SLC12A1: variants seen among roughly 807,000 people sequenced by gnomAD.
The protein encoded by SLC12A1 is Na-K-2Cl cotransporter.
Under a neutral mutation model 130.4 loss-of-function variants are expected in SLC12A1, and 89 were observed. The ratio of observed to expected loss-of-function variants is 0.68; its 90% CI spans 0.58 to 0.81. SLC12A1 has a LOEUF of 0.81. Among genes scored for constraint, SLC12A1 ranks in the 40% least tolerant of loss-of-function variants. SLC12A1 has a pLI of 0.00. For missense variants in SLC12A1, 1,310 were observed against 1,336.4 expected (o/e 0.98, Z 0.31); for synonymous variants, 499 against 460.0 (o/e 1.08, Z -1.09).
chr15:48,249,795 G>A, intron 14 of SLC12A1, 119 bp downstream of exon 14: 1 of 727,758 alleles, frequency 1.4e-6, no homozygotes, highest in East Asian at 2.6e-5. Flanking sequence ...TATCCTAGTG[G>A]GAAGCGTAAT....
intron 17 of SLC12A1, among the ~76,000 whole-genome samples, chr15:48,261,228 G>A (rs766496879): frequency 1.3e-5 from 2 of 152,172 alleles, no homozygotes; most frequent in Non-Finnish European, 2.9e-5. Flanking sequence ...TAGGACTGAA[G>A]AAATAAACTG....
intron 2 of SLC12A1, among the ~76,000 whole-genome samples, chr15:48,214,174 C>T (rs2041090528): frequency 6.6e-6 from 1 of 152,146 alleles, no homozygotes; most frequent in Non-Finnish European, 1.5e-5. Context: ...GAGTGAACCT[C>T]TGCAACTAAG....
intron 13 of SLC12A1, 46 bp downstream of exon 13, chr15:48,247,506 T>A: frequency 2.1e-6 from 3 of 1,433,950 alleles, no homozygotes; most frequent in Non-Finnish European, 2.9e-6. Context: ...AGAATTCTTC[T>A]GATTATTCAT....
intron 2 of SLC12A1, among the ~76,000 whole-genome samples, chr15:48,213,869 A>T (rs1406708402): frequency 6.6e-6 from 1 of 152,200 alleles, no homozygotes; most frequent in African/African-American, 2.4e-5. Context: ...GGATACGAAT[A>T]AAGGAAATGT....
chr15:48,231,880 G>A (rs546370875), intron 7 of SLC12A1, among the ~76,000 whole-genome samples: 24 of 152,146 alleles, frequency 1.6e-4, no homozygotes, highest in Non-Finnish European at 2.6e-4. Context: ...CCAGGGTGGC[G>A]TATGCCTGTA....
chr15:48,249,549 C>T, intron 13 of SLC12A1, 26 bp from the exon 14 acceptor site: 2 of 1,557,350 alleles, frequency 1.3e-6, no homozygotes, highest in Non-Finnish European at 1.8e-6. Flanking sequence ...CTCATACGTA[C>T]ATGTTCAATT....
At chr15:48,290,281 G>A (rs1597458046) in intron 23 of SLC12A1, among the ~76,000 whole-genome samples, 1 of 152,076 alleles carries the variant, frequency 6.6e-6, no homozygotes, top group African/African-American at 2.4e-5. Flanking sequence ...GCAATAACAG[G>A]CATGGAGCTG....
chr15:48,207,259 C>T (rs2040993229), intron 1 of SLC12A1, among the ~76,000 whole-genome samples: 1 of 152,138 alleles, frequency 6.6e-6, no homozygotes, highest in South Asian at 2.1e-4. Flanking sequence ...TCTAAAGTCA[C>T]AGTGAACTCC....
chr15:48,270,404 C>T (rs963924352), intron 19 of SLC12A1, among the ~76,000 whole-genome samples: 2 of 151,630 alleles, frequency 1.3e-5, no homozygotes, highest in African/African-American at 2.4e-5. Context: ...AAGAAGATTT[C>T]GAAGGAAGTA....
intron 24 of SLC12A1, among the ~76,000 whole-genome samples, chr15:48,295,953 G>A (rs75524715): frequency 4.1e-4 from 63 of 152,256 alleles, no homozygotes; most frequent in African/African-American, 1.4e-3. Context: ...CACTAGTAGC[G>A]CGTCTGGCAC....
chr15:48,215,420 C>T (rs1003799497), intron 2 of SLC12A1, among the ~76,000 whole-genome samples: 1 of 152,108 alleles, frequency 6.6e-6, no homozygotes, highest in Non-Finnish European at 1.5e-5. Flanking sequence ...TAATCATTCC[C>T]TAAAGCTACA....
At position 48,207,800 on chromosome 15, in the gene SLC12A1, T is replaced by G. The variant is rs746746098; in HGVS notation, c.81T>G (p.Asn27Lys). ...ATCGCTTTCAAGTTAGTGTCATAAA[T>G]GAGAACCATGAGAGCAGTGCAGCTG... is the stretch of plus-strand genomic sequence containing the variant. ...NTNRFQVSVINENHESSAAAD... is the reference protein window; with the variant it reads ...NTNRFQVSVIKENHESSAAAD... The change falls in exon 2 of 27, where the codon AAT (asparagine) becomes AAG (lysine). Residue 27 changes from asparagine to lysine, a missense_variant. By Grantham distance (94) the Asn-to-Lys change is moderately conservative. Coordinates refer to ENST00000380993, the MANE Select transcript of SLC12A1 (RefSeq NM_000338.3). 6.2e-7 allele frequency: 1 copy of G among 1,613,832 alleles called. No individual in the cohort carries two copies. Among genetic ancestry groups the G allele is most frequent in the East Asian group, 2.2e-5 (1 of 44,874 alleles).
At chr15:48,296,895 G>C (rs2042182519) in intron 24 of SLC12A1, among the ~76,000 whole-genome samples, 1 of 152,140 alleles carries the variant, frequency 6.6e-6, no homozygotes, top group South Asian at 2.1e-4. Context: ...CACAGAGAAG[G>C]AGCAGTAAGA....
chr15:48,300,036 G>A (rs541801342), intron 25 of SLC12A1, among the ~76,000 whole-genome samples: 5 of 152,254 alleles, frequency 3.3e-5, no homozygotes, highest in African/African-American at 1.2e-4. Flanking sequence ...ACAAATGTTA[G>A]AAAGAAATCT....
Position 48,229,169 on chromosome 15 carries a change from A to G in SLC12A1, c.725-20A>G, listed in dbSNP as rs558394342. 1.3e-6 allele frequency: 2 copies of G among 1,576,168 alleles called. No individual in the cohort carries two copies. The highest frequency in any genetic ancestry group is 1.3e-5 in the African/African-American group (1 of 74,398). On this transcript the variant is annotated intron_variant, in intron 5 of 26. Coordinates refer to ENST00000380993, the MANE Select transcript of SLC12A1 (RefSeq NM_000338.3). ...AACTAGCAGTTCCTCAATGTGAAGTATGTTCATTTCTTGTTTCAGGTGGGG... is the reference window on the plus strand; with the variant it reads ...AACTAGCAGTTCCTCAATGTGAAGTGTGTTCATTTCTTGTTTCAGGTGGGG...
Position 48,303,003 on chromosome 15 carries a change from C to T in SLC12A1, c.*118C>T. The T allele has an allele frequency of 1.4e-6, 1 of 701,336 alleles. No homozygotes were observed. Among genetic ancestry groups the T allele is most frequent in the Non-Finnish European group, 2.2e-6 (1 of 450,096 alleles). The allele number at this position is 701,336 out of a possible 1,614,324, so 43.4% of individuals were successfully genotyped here. Reference sequence around the variant, plus strand: ...ATGCAAACCTCTGGAGAGGATCCTACCAGATTCTACATACATTGCATAATT... The same window carrying T: ...ATGCAAACCTCTGGAGAGGATCCTATCAGATTCTACATACATTGCATAATT... On this transcript the variant is annotated 3_prime_UTR_variant, in exon 27 of 27. Coordinates refer to ENST00000380993, the MANE Select transcript of SLC12A1 (RefSeq NM_000338.3).
intron 5 of SLC12A1, chr15:48,226,861 A>G (rs2141027714): frequency 3.4e-6 from 2 of 595,242 alleles, no homozygotes; most frequent in Admixed American, 6.3e-5. Flanking sequence ...CCTCTAGCTG[A>G]TGTTCCTTGG....
At chr15:48,296,669 G>A (rs1318278771) in intron 24 of SLC12A1, among the ~76,000 whole-genome samples, 1 of 152,104 alleles carries the variant, frequency 6.6e-6, no homozygotes, top group Non-Finnish European at 1.5e-5. Flanking sequence ...GATGAGGAAG[G>A]CAGCAGTTAA....
intron 1 of SLC12A1, among the ~76,000 whole-genome samples, chr15:48,206,937 T>C (rs2040989426): frequency 6.6e-6 from 1 of 152,144 alleles, no homozygotes; most frequent in Non-Finnish European, 1.5e-5. Flanking sequence ...TTGTAAAAGA[T>C]CTAAGAATTC....
Sources: allele counts gnomAD v4.1 joint callset (sites outside exome capture counted in the v4.1 genomes callset), GRCh38; gene constraint gnomAD v4.1.1; transcripts MANE v1.5; gene names NCBI Gene and HGNC (gene_info 2026-07-23, HGNC 2026-07-21).